DOK6: variants seen among roughly 807,000 people sequenced by gnomAD.
DOK6 encodes the protein docking protein 6.
DOK6 carries 22 observed loss-of-function variants against 44.0 expected under a neutral mutation model. That is an observed-to-expected ratio of 0.50 (90% CI 0.36 to 0.71). DOK6 has a LOEUF of 0.71. Ranked by LOEUF, DOK6 falls within the 30% of genes least tolerant of loss-of-function variation. The probability of loss-of-function intolerance (pLI) is 0.00; values close to 1 mark genes in which losing one functional copy is unlikely to be tolerated. For missense variants in DOK6, 340 were observed against 416.4 expected, an observed-to-expected ratio of 0.82 and a Z score of 1.60; for synonymous variants, 166 against 145.5, an observed-to-expected ratio of 1.14 and a Z score of -1.01.
intron 1 of DOK6, among the ~76,000 whole-genome samples, chr18:69,472,562 G>A (rs1980144086): frequency 6.6e-6 from 1 of 152,164 alleles, no homozygotes; most frequent in South Asian, 2.1e-4. Context: ...CTCCTCCCTA[G>A]TGCTCACTGA....
At chr18:69,460,655 T>C (rs550726884) in intron 1 of DOK6, among the ~76,000 whole-genome samples, 3 of 152,334 alleles carry the variant, frequency 2.0e-5, no homozygotes, top group Non-Finnish European at 4.4e-5. Context: ...GGCAAACTCA[T>C]TGGTATGGTA....
chr18:69,416,146 G>A lies in DOK6; in HGVS notation c.66+14836G>A, dbSNP rs144641084. On this transcript the variant is annotated intron_variant, in intron 1 of 7. Transcript: ENST00000382713. ...GGACGGAGGAAGGGAGGGAGGGACG[G>A]AGGGAGGGAGGGAAGGAAGGAAGGA... Among the ~76,000 whole-genome samples, 341 of 136,382 alleles carry A rather than the reference G, an allele frequency of 2.5e-3. 4 individuals carry two copies. In the East Asian group the frequency reaches 0.029, roughly 11 times the overall value. The allele number at this position is 136,382 out of a possible 152,430, so 89.5% of individuals were successfully genotyped here.
chr18:69,492,929 C>T (rs1233368011), intron 1 of DOK6, among the ~76,000 whole-genome samples: 1 of 151,746 alleles, frequency 6.6e-6, no homozygotes, highest in African/African-American at 2.4e-5. Context: ...CATTTACTAC[C>T]TGTGCTTTTT....
intron 7 of DOK6, among the ~76,000 whole-genome samples, chr18:69,759,040 C>T (rs980557476): frequency 1.3e-5 from 2 of 152,078 alleles, no homozygotes; most frequent in African/African-American, 4.8e-5. Flanking sequence ...AAGGCAATTA[C>T]ATTTTATATT....
chr18:69,407,080 TA>T lies in DOK6; in HGVS notation c.66+5779del, dbSNP rs1008840012. ...TGGGCAACAAGAGCGAAACTCCATC[TA>T]AAAAAAAATAGTTTACTATGAAGCA... On this transcript the variant is annotated intron_variant, in intron 1 of 7. Transcript: ENST00000382713. Among the ~76,000 whole-genome samples the T allele has an allele frequency of 5.9e-5, 9 of 151,390 alleles. No individual in the cohort carries two copies. The East Asian group carries it at 1.2e-3, about 20-fold the overall frequency.
chr18:69,428,691 C>CCTAG (rs1356787025), intron 1 of DOK6, among the ~76,000 whole-genome samples: 1 of 152,140 alleles, frequency 6.6e-6, no homozygotes, highest in East Asian at 1.9e-4. Flanking sequence ...AAATAGCTTG[C>CCTAG]CTAGGATTGT....
At chr18:69,458,154 G>A (rs766743587) in intron 1 of DOK6, among the ~76,000 whole-genome samples, 25 of 152,062 alleles carry the variant, frequency 1.6e-4, no homozygotes, top group Non-Finnish European at 3.2e-4. Flanking sequence ...GCAAACCTCC[G>A]TGTTACAAAA....
chr18:69,532,702 A>T (rs890251972), intron 1 of DOK6: 1 of 152,126 alleles, frequency 6.6e-6, no homozygotes, highest in African/African-American at 2.4e-5. Context: ...CCCTTTAAAA[A>T]TTTTTAAAAA....
intron 1 of DOK6, among the ~76,000 whole-genome samples, chr18:69,445,102 C>T (rs918608609): frequency 6.6e-6 from 1 of 152,036 alleles, no homozygotes; most frequent in African/African-American, 2.4e-5. Flanking sequence ...CCATTATTTT[C>T]TTATTTCATT....
At chr18:69,522,370 C>G (rs558262103) in intron 1 of DOK6, among the ~76,000 whole-genome samples, 1 of 152,012 alleles carries the variant, frequency 6.6e-6, no homozygotes, top group Admixed American at 6.6e-5. Context: ...CAACTAGAAC[C>G]AAATAGAATC....
chr18:69,528,934 A>T (rs76486040), intron 1 of DOK6, among the ~76,000 whole-genome samples: 4,562 of 152,264 alleles, frequency 0.03, 82 homozygotes, highest in Middle Eastern at 0.048. Flanking sequence ...CTTCCAGTGT[A>T]AAAGGGATCA....
At chr18:69,753,363 T>C (rs1351054294) in intron 6 of DOK6, among the ~76,000 whole-genome samples, 1 of 152,206 alleles carries the variant, frequency 6.6e-6, no homozygotes, top group South Asian at 2.1e-4. Flanking sequence ...TCATTTGTGT[T>C]ATATTCAAAC....
At chr18:69,565,521 GTA>G (rs67342514) in intron 2 of DOK6, among the ~76,000 whole-genome samples, 40 of 3,166 alleles carry the variant, frequency 0.013, no homozygotes, top group East Asian at 0.091. Context: ...GTGTGTGTGT[GTA>G]TATATATATA....
chr18:69,715,946 CAA>C (rs1237626951), intron 5 of DOK6, among the ~76,000 whole-genome samples: 3 of 152,140 alleles, frequency 2.0e-5, no homozygotes, highest in Non-Finnish European at 4.4e-5. Flanking sequence ...AGATAATTGG[CAA>C]AACTGTTCAT....
intron 3 of DOK6, among the ~76,000 whole-genome samples, chr18:69,629,032 GC>G (rs1326201802): frequency 6.6e-6 from 1 of 152,226 alleles, no homozygotes; most frequent in African/African-American, 2.4e-5. Flanking sequence ...TCACATAGTA[GC>G]AAAAAGTGTC....
At chr18:69,476,737 C>G (rs549065563) in intron 1 of DOK6, among the ~76,000 whole-genome samples, 2 of 152,222 alleles carry the variant, frequency 1.3e-5, no homozygotes, top group African/African-American at 4.8e-5. Flanking sequence ...GGGCCGACTG[C>G]GGCCTGCAGA....
intron 2 of DOK6, among the ~76,000 whole-genome samples, chr18:69,577,159 A>G (rs1407081085): frequency 6.6e-6 from 1 of 152,182 alleles, no homozygotes; most frequent in East Asian, 1.9e-4. Flanking sequence ...CATCCTTGTG[A>G]AAAACAGCCA....
intron 3 of DOK6, among the ~76,000 whole-genome samples, chr18:69,635,416 T>C (rs1396238021): frequency 6.6e-6 from 1 of 152,218 alleles, no homozygotes; most frequent in African/African-American, 2.4e-5. Context: ...TTTCCCTTTC[T>C]TACCTGTCCC....
chr18:69,633,824 C>A (rs572885569), intron 3 of DOK6, among the ~76,000 whole-genome samples: 1 of 152,040 alleles, frequency 6.6e-6, no homozygotes, highest in East Asian at 1.9e-4. Flanking sequence ...GACCATTTAA[C>A]AAATATTTCA....
Sources: allele counts gnomAD v4.1 joint callset (sites outside exome capture counted in the v4.1 genomes callset), GRCh38; gene constraint gnomAD v4.1.1; transcripts MANE v1.5; gene names NCBI Gene and HGNC (gene_info 2026-07-23, HGNC 2026-07-21).